SUGCT: variants seen among roughly 807,000 people sequenced by gnomAD.
SUGCT encodes the protein succinyl-CoA:glutarate CoA-transferase.
In SUGCT, 41 loss-of-function variants were observed where a neutral mutation model predicts 55.0. The observed-to-expected ratio is 0.74, with a 90% CI of 0.58 to 0.97. The LOEUF is 0.97. SUGCT is among the 50% of genes least tolerant of loss of function. The probability of loss-of-function intolerance (pLI) is 0.00; values close to 1 mark genes in which losing one functional copy is unlikely to be tolerated. For missense variants in SUGCT, 568 were observed against 547.8 expected (o/e 1.04, Z -0.37); for synonymous variants, 187 against 200.4 (o/e 0.93, Z 0.56).
chr7:41,008,498 C>T, the SUGCT span, among the ~76,000 whole-genome samples: 3 of 152,138 alleles, frequency 2.0e-5, no homozygotes, highest in Non-Finnish European at 4.4e-5. Flanking sequence ...TCTCTTTCCC[C>T]GGGAATTGCT....
At chr7:40,346,943 A>C (rs1443702829) in intron 9 of SUGCT, among the ~76,000 whole-genome samples, 2 of 152,192 alleles carry the variant, frequency 1.3e-5, no homozygotes, top group African/African-American at 4.8e-5. Flanking sequence ...ATGAGAAATA[A>C]ATTTCTGTTT....
the SUGCT span, among the ~76,000 whole-genome samples, chr7:40,987,053 C>T: frequency 8.8e-4 from 134 of 152,280 alleles, no homozygotes; most frequent in Middle Eastern, 0.024. Flanking sequence ...CAAGACATTG[C>T]TCTAGTTCCC....
chr7:40,353,950 T>G (rs1428528073), intron 9 of SUGCT, among the ~76,000 whole-genome samples: 1 of 152,154 alleles, frequency 6.6e-6, no homozygotes, highest in East Asian at 1.9e-4. Flanking sequence ...AGAAAGAATT[T>G]TAAAGAAAAA....
At chr7:40,663,738 C>T (rs1801457989) in intron 12 of SUGCT, among the ~76,000 whole-genome samples, 1 of 152,112 alleles carries the variant, frequency 6.6e-6, no homozygotes, top group South Asian at 2.1e-4. Flanking sequence ...GTCCCATGCA[C>T]AGGAATTGTG....
At chr7:40,304,146 A>G (rs1233222294) in intron 8 of SUGCT, among the ~76,000 whole-genome samples, 1 of 152,122 alleles carries the variant, frequency 6.6e-6, no homozygotes, top group Non-Finnish European at 1.5e-5. Flanking sequence ...AAAATGTGAC[A>G]AATAGAGAAT....
At chr7:41,024,249 A>T in the SUGCT span, among the ~76,000 whole-genome samples, 4 of 152,240 alleles carry the variant, frequency 2.6e-5, no homozygotes, top group Non-Finnish European at 4.4e-5. Context: ...AATACTTAGA[A>T]TTGTATCTTG....
chr7:40,301,140 G>A (rs1794513468), intron 8 of SUGCT, among the ~76,000 whole-genome samples: 1 of 152,026 alleles, frequency 6.6e-6, no homozygotes, highest in Non-Finnish European at 1.5e-5. Flanking sequence ...GGGTTTTATA[G>A]TGTTTAGTGT....
intron 13 of SUGCT, among the ~76,000 whole-genome samples, chr7:40,780,670 T>C (rs762785148): frequency 3.3e-5 from 5 of 151,992 alleles, no homozygotes; most frequent in Non-Finnish European, 7.4e-5. Context: ...TTTCTTAAAA[T>C]AAACCGTTCA....
At chr7:41,009,488 C>T in the SUGCT span, among the ~76,000 whole-genome samples, 32 of 152,292 alleles carry the variant, frequency 2.1e-4, no homozygotes, top group South Asian at 3.1e-3. Flanking sequence ...CTGGGTCCAT[C>T]TATGTATCCA....
chr7:40,219,757 C>T (rs1274053211), intron 6 of SUGCT, among the ~76,000 whole-genome samples: 1 of 151,772 alleles, frequency 6.6e-6, no homozygotes, highest in Non-Finnish European at 1.5e-5. Flanking sequence ...TTCTTATCAC[C>T]AAAGGGCAGA....
intron 12 of SUGCT, among the ~76,000 whole-genome samples, chr7:40,597,827 T>C (rs979604460): frequency 1.7e-4 from 26 of 152,192 alleles, no homozygotes; most frequent in Admixed American, 1.5e-3. Context: ...TTTAAGCCAC[T>C]GAGATTTGGA....
intron 13 of SUGCT, among the ~76,000 whole-genome samples, chr7:40,844,821 C>T (rs1921753): frequency 0.22 from 33,125 of 152,068 alleles, 4,754 homozygotes; most frequent in East Asian, 0.8. Flanking sequence ...ATTAGGCTGG[C>T]TGTAAAAAGT....
At chr7:40,212,787 C>A (rs922667751) in intron 6 of SUGCT, among the ~76,000 whole-genome samples, 3 of 152,136 alleles carry the variant, frequency 2.0e-5, no homozygotes, top group African/African-American at 7.2e-5. Context: ...CCCACCTTGG[C>A]CTCCCAAAGT....
the SUGCT span, among the ~76,000 whole-genome samples, chr7:40,942,100 A>G: frequency 1.2e-4 from 19 of 152,082 alleles, no homozygotes; most frequent in Admixed American, 8.5e-4. Context: ...TTCAGTCATC[A>G]TGTTGATTGT....
In SUGCT at chr7:40,175,305, T is replaced by C. The variant is rs55825872; in HGVS notation, c.101-5642T>C. Among the ~76,000 whole-genome samples the C allele has an allele frequency of 5.8e-3, 880 of 151,962 alleles. 8 individuals are homozygous for C. Among genetic ancestry groups the C allele is most frequent in the African/African-American group, 0.02 (819 of 41,430 alleles). On this transcript the variant is annotated intron_variant, in intron 1 of 13. Transcript: ENST00000335693. The stretch of plus-strand genomic sequence containing the variant: ...TGCAATCTCGGCTCACTGCAGCCTC[T>C]GCCTCCCGGGTTCAAGCGATTCTCC...
chr7:40,791,904 T>C (rs969350494), intron 13 of SUGCT, among the ~76,000 whole-genome samples: 3 of 152,264 alleles, frequency 2.0e-5, no homozygotes, highest in African/African-American at 7.2e-5. Flanking sequence ...AGTAACTATT[T>C]GGCCTTACAC....
chr7:40,714,845 GCA>G (rs1785930469), intron 12 of SUGCT, among the ~76,000 whole-genome samples: 1 of 152,166 alleles, frequency 6.6e-6, no homozygotes, highest in South Asian at 2.1e-4. Context: ...AATAATACTT[GCA>G]CAGTTCCTAG....
the SUGCT span, among the ~76,000 whole-genome samples, chr7:41,028,108 G>A: frequency 6.6e-6 from 1 of 152,204 alleles, no homozygotes; most frequent in Non-Finnish European, 1.5e-5. Context: ...TCCTAACTCA[G>A]GCAGGCAGGT....
intron 13 of SUGCT, among the ~76,000 whole-genome samples, chr7:40,844,794 A>G (rs1388177587): frequency 6.6e-6 from 1 of 152,224 alleles, no homozygotes; most frequent in African/African-American, 2.4e-5. Context: ...ATCCAGCAAG[A>G]GATGATGGTA....
Sources: gnomAD v4.1 joint callset for allele counts (sites outside exome capture counted in the v4.1 genomes callset) on GRCh38, gnomAD v4.1.1 for gene constraint, MANE v1.5 for transcripts, NCBI Gene and HGNC (gene_info 2026-07-23, HGNC 2026-07-21) for gene names.